The following AAK1 variants were observed in gnomAD, a reference collection of about 807,000 sequenced individuals.
AAK1 encodes AP2-associated protein kinase 1.
AAK1 carries 37 observed loss-of-function variants against 116.0 expected under a neutral mutation model. The observed-to-expected ratio is 0.32, with a 90% confidence interval of 0.25 to 0.42. The LOEUF is 0.42. Ranked by LOEUF, AAK1 falls within the 10% of genes least tolerant of loss-of-function variation. The probability of loss-of-function intolerance (pLI) is 1.00; values close to 1 mark genes in which losing one functional copy is unlikely to be tolerated. For synonymous variants in AAK1, 458 were observed against 439.9 expected (o/e 1.04, Z -0.51); for missense variants, 919 against 1,170.6 (o/e 0.79, Z 3.14).
At chr2:69,499,595 C>G (rs1256945469) in intron 16 of AAK1, among the ~76,000 whole-genome samples, 4 of 152,154 alleles carry the variant, frequency 2.6e-5, no homozygotes, top group Admixed American at 2.6e-4. Flanking sequence ...CTTTGGAAAC[C>G]ACTATTCTGT....
rs145247155 is a variant in AAK1 at position 69,520,207 on chromosome 2, T to C, written c.1210+627A>G. ...ATTTCTTTAAAGGCAAAGGGAAATA[T>C]ATGAAATAAAGAGGGAGGATAAGGT... On this transcript the variant is annotated intron_variant, in intron 11 of 21. Transcript: ENST00000409085. The C allele has an allele frequency of 1.7e-3, 360 of 213,210 alleles. 2 individuals carry two copies. The highest frequency in any genetic ancestry group is 7.8e-3 in the African/African-American group (338 of 43,462). 13.2% of individuals were successfully genotyped at this position (213,210 alleles called of 1,614,324 possible).
rs1674503702 is a variant in AAK1, at chr2:69,466,865, C to T, written c.*9004G>A. On this transcript the variant is annotated 3_prime_UTR_variant, in exon 22 of 22. Transcript: ENST00000409085. Reference sequence around the variant, plus strand: ...GGCCAGGCACGGACACCTGCTCTACCTGGCACTGGCTCATTATGGAATGAA... The same window carrying T: ...GGCCAGGCACGGACACCTGCTCTACTTGGCACTGGCTCATTATGGAATGAA... The T allele has an allele frequency of 1.0e-6, 1 of 985,284 alleles. No individual in the cohort carries two copies. Among genetic ancestry groups the T allele is most frequent in the Non-Finnish European group, 1.2e-6 (1 of 829,946 alleles). 61.0% of individuals were successfully genotyped at this position (985,284 alleles called of 1,614,324 possible). A position where few individuals can be genotyped will look rare whatever the true frequency, so the allele number is the denominator to read the frequency against.
At position 69,473,371 on chromosome 2, in the gene AAK1, T is replaced by C. The variant is rs1037482704; in HGVS notation, c.*2498A>G. Reference sequence around the variant, plus strand: ...CTATGCTCAACTCAAATAAACTCTTTCAGCTCAGGGATGATGCTCTAAACC... The same window carrying C: ...CTATGCTCAACTCAAATAAACTCTTCCAGCTCAGGGATGATGCTCTAAACC... On this transcript the variant is annotated 3_prime_UTR_variant, in exon 22 of 22. Transcript: ENST00000409085. 5 of 985,458 alleles carry C rather than the reference T, an allele frequency of 5.1e-6. No homozygotes were observed. Among genetic ancestry groups the C allele is most frequent in the Non-Finnish European group, 6.0e-6 (5 of 829,954 alleles). 61.0% of individuals were successfully genotyped at this position (985,458 alleles called of 1,614,324 possible).
At chr2:69,636,159 T>TAATC (rs984708344) in intron 2 of AAK1, among the ~76,000 whole-genome samples, 1 of 152,032 alleles carries the variant, frequency 6.6e-6, no homozygotes, top group African/African-American at 2.4e-5. Flanking sequence ...TTAAATTAAT[T>TAATC]AATCATCACA....
At chr2:69,618,283 A>T (rs1311398926) in intron 2 of AAK1, among the ~76,000 whole-genome samples, 1 of 152,010 alleles carries the variant, frequency 6.6e-6, no homozygotes, top group Non-Finnish European at 1.5e-5. Flanking sequence ...TATAAGTAAA[A>T]TACATGCAAA....
chr2:69,476,736 T>C, intron 21 of AAK1, 144 bp downstream of exon 21: 1 of 593,892 alleles, frequency 1.7e-6, no homozygotes, highest in Non-Finnish European at 3.0e-6. Context: ...CTATCTCTAT[T>C]GGTCCAGCCT....
chr2:69,575,738 G>C (rs886700688), intron 2 of AAK1, among the ~76,000 whole-genome samples: 7 of 152,100 alleles, frequency 4.6e-5, no homozygotes, highest in Non-Finnish European at 8.8e-5. Flanking sequence ...AAAGTGCTAG[G>C]ATTACAGGCG....
intron 2 of AAK1, among the ~76,000 whole-genome samples, chr2:69,618,217 T>A (rs1674428442): frequency 6.6e-6 from 1 of 151,808 alleles, no homozygotes; most frequent in South Asian, 2.1e-4. Context: ...CATGTACACA[T>A]AAAATTAAAT....
chr2:69,571,729 G>C (rs1672101101), intron 2 of AAK1, among the ~76,000 whole-genome samples: 1 of 152,168 alleles, frequency 6.6e-6, no homozygotes, highest in Non-Finnish European at 1.5e-5. Flanking sequence ...ACTTGCATTA[G>C]TATACTGAGA....
At chr2:69,641,847 T>C (rs1023740008) in intron 2 of AAK1, among the ~76,000 whole-genome samples, 6 of 152,160 alleles carry the variant, frequency 3.9e-5, no homozygotes, top group Non-Finnish European at 1.5e-5. Context: ...AAGAGAGACC[T>C]CTCCCTTCTT....
intron 2 of AAK1, among the ~76,000 whole-genome samples, chr2:69,623,030 C>A (rs1674727718): frequency 6.6e-6 from 1 of 152,090 alleles, no homozygotes; most frequent in African/African-American, 2.4e-5. Context: ...CCACTCAGGT[C>A]CCCTTCCACA....
intron 2 of AAK1, among the ~76,000 whole-genome samples, chr2:69,560,350 G>A (rs926939920): frequency 6.6e-6 from 1 of 152,200 alleles, no homozygotes; most frequent in African/African-American, 2.4e-5. Context: ...ACGGAAGGAG[G>A]CTGTCAACAG....
rs1674496708 is a variant in AAK1 at position 69,466,680 on chromosome 2, C to T, written c.*9189G>A. 1 of 1,094,840 alleles carries T rather than the reference C, an allele frequency of 9.1e-7. No homozygotes were observed. The highest frequency in any genetic ancestry group is 1.1e-6 in the Non-Finnish European group (1 of 893,256). 67.8% of individuals were successfully genotyped at this position (1,094,840 alleles called of 1,614,324 possible). A position where few individuals can be genotyped will look rare whatever the true frequency, so the allele number is the denominator to read the frequency against. Reference sequence around the variant, plus strand: ...GATGTTGAAAATGCAACAGGAAAAACATAAAAATAAAAGTCAGGCAAGGAA... The same window carrying T: ...GATGTTGAAAATGCAACAGGAAAAATATAAAAATAAAAGTCAGGCAAGGAA... On this transcript the variant is annotated 3_prime_UTR_variant, in exon 22 of 22. Transcript: ENST00000409085.
Position 69,470,517 on chromosome 2 carries a change from G to A in AAK1, c.*5352C>T. 1.0e-6 allele frequency: 1 copy of A among 985,422 alleles called. No homozygotes were observed. 61.0% of individuals were successfully genotyped at this position (985,422 alleles called of 1,614,324 possible). On this transcript the variant is annotated 3_prime_UTR_variant, in exon 22 of 22. Transcript: ENST00000409085. ...ATGGAAGCCAAAAATGGCCAGCTGTGCCTCTCAGGCCAATGAGGCAATTAA... is the reference window on the plus strand; with the variant it reads ...ATGGAAGCCAAAAATGGCCAGCTGTACCTCTCAGGCCAATGAGGCAATTAA...
intron 2 of AAK1, among the ~76,000 whole-genome samples, chr2:69,623,107 C>T (rs1204337339): frequency 1.3e-5 from 2 of 152,186 alleles, no homozygotes; most frequent in East Asian, 3.9e-4. Context: ...TGGGTCCACA[C>T]TGCCTTTATG....
chr2:69,524,331 C>T (rs1434863764), intron 10 of AAK1, among the ~76,000 whole-genome samples: 3 of 152,224 alleles, frequency 2.0e-5, no homozygotes, highest in East Asian at 1.9e-4. Flanking sequence ...CCTGCCTCAG[C>T]CTCCAGAGCA....
At chr2:69,492,289 C>A (rs1675553056) in intron 17 of AAK1, among the ~76,000 whole-genome samples, 1 of 151,968 alleles carries the variant, frequency 6.6e-6, no homozygotes, top group Admixed American at 6.6e-5. Flanking sequence ...TCTCAGCTCA[C>A]TGCAATCTCT....
chr2:69,622,528 C>G (rs561367468), intron 2 of AAK1, among the ~76,000 whole-genome samples: 1 of 152,350 alleles, frequency 6.6e-6, no homozygotes, highest in East Asian at 1.9e-4. Flanking sequence ...ACTTGGAGAA[C>G]CTTTATGTCT....
At chr2:69,567,559 T>C (rs552525224) in intron 2 of AAK1, among the ~76,000 whole-genome samples, 2 of 151,930 alleles carry the variant, frequency 1.3e-5, no homozygotes, top group South Asian at 4.2e-4. Context: ...AGGATACCAA[T>C]AAAAAATTTT....
Sources: gnomAD v4.1 joint callset for allele counts (sites outside exome capture counted in the v4.1 genomes callset) on GRCh38, gnomAD v4.1.1 for gene constraint, MANE v1.5 for transcripts, NCBI Gene and HGNC (gene_info 2026-07-23, HGNC 2026-07-21) for gene names.